Variants in SEPTIN11 observed in about 807,000 individuals in gnomAD.
SEPTIN11 encodes septin 11.
In SEPTIN11, 25 loss-of-function variants were observed where a neutral mutation model predicts 51.4. The ratio of observed to expected loss-of-function variants is 0.49; its 90% CI spans 0.35 to 0.68. The LOEUF (loss-of-function observed/expected upper bound fraction) is 0.68, where lower values mean the gene tolerates loss of function less well. Among genes scored for constraint, SEPTIN11 ranks in the 30% least tolerant of loss-of-function variants. SEPTIN11 has a pLI of 0.00. For synonymous variants in SEPTIN11, 174 were observed against 184.1 expected, an observed-to-expected ratio of 0.95 and a Z score of 0.44; for missense variants, 381 against 520.8, an observed-to-expected ratio of 0.73 and a Z score of 2.61.
At chr4:76,958,834 G>A in intron 1 of SEPTIN11, 1 of 1,417,620 alleles carries the variant, frequency 7.1e-7, no homozygotes, top group South Asian at 1.2e-5. Flanking sequence ...TCAATGGCTG[G>A]TTATATTTTC....
intron 1 of SEPTIN11, among the ~76,000 whole-genome samples, chr4:76,986,429 G>A (rs1723031475): frequency 6.6e-6 from 1 of 152,066 alleles, no homozygotes. Flanking sequence ...CTTATGGTTG[G>A]CTATTAAAGT....
At position 76,949,814 on chromosome 4, in the gene SEPTIN11, C is replaced by T; in HGVS notation, c.-90C>T. 2 of 1,394,792 alleles carry T rather than the reference C, an allele frequency of 1.4e-6. No homozygotes were observed. The highest frequency in any genetic ancestry group is 1.3e-5 in the South Asian group (1 of 78,464). The allele number at this position is 1,394,792 out of a possible 1,614,324, so 86.4% of individuals were successfully genotyped here. ...GCAGAGCGCAGCCGCGAGGGAGGCGCGAGGGAGGCGAGCCGGAGCCCGAGC... is the reference window on the plus strand; with the variant it reads ...GCAGAGCGCAGCCGCGAGGGAGGCGTGAGGGAGGCGAGCCGGAGCCCGAGC... On this transcript the variant is annotated 5_prime_UTR_variant, in exon 1 of 10. Transcript: ENST00000264893.
intron 6 of SEPTIN11, 97 bp downstream of exon 6, chr4:77,019,358 C>T: frequency 9.9e-7 from 1 of 1,014,778 alleles, no homozygotes; most frequent in Non-Finnish European, 1.4e-6. Context: ...AGGCCCTCAA[C>T]AGTGGGCTGG....
intron 1 of SEPTIN11, among the ~76,000 whole-genome samples, chr4:76,987,566 G>A (rs369993956): frequency 2.6e-5 from 4 of 152,156 alleles, no homozygotes; most frequent in Non-Finnish European, 4.4e-5. Flanking sequence ...AACTAAGGGC[G>A]TTTCCCATCT....
chr4:77,011,497 A>G (rs934666016), intron 3 of SEPTIN11, among the ~76,000 whole-genome samples: 2 of 130,862 alleles, frequency 1.5e-5, no homozygotes, highest in Non-Finnish European at 3.2e-5. Flanking sequence ...GCAAAGACAC[A>G]GAGGAAATAA....
intron 1 of SEPTIN11, among the ~76,000 whole-genome samples, chr4:76,991,399 C>T (rs1374592253): frequency 6.6e-6 from 1 of 152,202 alleles, no homozygotes; most frequent in Non-Finnish European, 1.5e-5. Context: ...TCTGGTGAAG[C>T]AAGATTTGGA....
Position 77,035,494 on chromosome 4 carries a change from T to G in SEPTIN11, c.*982T>G. ...TTCCCTTAGAAAATTTGCTATAAAC[T>G]CTGTATCATTGGTAGCACAAATTTG... is the stretch of plus-strand genomic sequence containing the variant. On this transcript the variant is annotated 3_prime_UTR_variant, in exon 10 of 10. Coordinates refer to ENST00000264893, the MANE Select transcript of SEPTIN11 (RefSeq NM_018243.4). The G allele has an allele frequency of 1.0e-6, 1 of 985,388 alleles. No individual in the cohort carries two copies. 61.0% of individuals were successfully genotyped at this position (985,388 alleles called of 1,614,324 possible). A position where few individuals can be genotyped will look rare whatever the true frequency, so the allele number is the denominator to read the frequency against.
chr4:77,034,031 A>T (rs753451243), intron 9 of SEPTIN11, among the ~76,000 whole-genome samples: 3 of 152,164 alleles, frequency 2.0e-5, no homozygotes, highest in Non-Finnish European at 2.9e-5. Flanking sequence ...TGTAATTTCA[A>T]TCCCTAAACT....
intron 1 of SEPTIN11, among the ~76,000 whole-genome samples, chr4:76,986,048 G>T (rs1723010327): frequency 6.6e-6 from 1 of 152,056 alleles, no homozygotes; most frequent in African/African-American, 2.4e-5. Context: ...ATACATCAGG[G>T]CACAGAGGAG....
chr4:76,975,717 C>T (rs1022303041), intron 1 of SEPTIN11, among the ~76,000 whole-genome samples: 1 of 152,102 alleles, frequency 6.6e-6, no homozygotes. Context: ...CTTATATACC[C>T]CTAAAAGGTT....
chr4:76,956,141 C>G (rs1043551746), intron 1 of SEPTIN11, among the ~76,000 whole-genome samples: 1 of 152,154 alleles, frequency 6.6e-6, no homozygotes, highest in Non-Finnish European at 1.5e-5. Flanking sequence ...CATTAAGGTA[C>G]TCATTAAACT....
intron 3 of SEPTIN11, among the ~76,000 whole-genome samples, chr4:77,008,706 G>A (rs1386950649): frequency 6.6e-6 from 1 of 151,870 alleles, no homozygotes; most frequent in Non-Finnish European, 1.5e-5. Context: ...TATGGCTGGA[G>A]GTATATGGAA....
At chr4:76,965,684 T>C (rs1324895650) in intron 1 of SEPTIN11, among the ~76,000 whole-genome samples, 1 of 152,168 alleles carries the variant, frequency 6.6e-6, no homozygotes, top group Non-Finnish European at 1.5e-5. Context: ...GCACCAATGA[T>C]ATTTAAAAGT....
chr4:77,009,722 G>A (rs1724728614), intron 3 of SEPTIN11: 1 of 152,254 alleles, frequency 6.6e-6, no homozygotes, highest in Non-Finnish European at 1.5e-5. Flanking sequence ...ACTATTGAGA[G>A]GAGGAGGTGC....
At chr4:76,992,299 A>G (rs1254199810) in intron 1 of SEPTIN11, among the ~76,000 whole-genome samples, 2 of 152,188 alleles carry the variant, frequency 1.3e-5, no homozygotes, top group Non-Finnish European at 2.9e-5. Context: ...ATGGTTTCAG[A>G]GTATTTTTTT....
At chr4:76,982,255 G>C (rs927222255) in intron 1 of SEPTIN11, among the ~76,000 whole-genome samples, 3 of 150,764 alleles carry the variant, frequency 2.0e-5, no homozygotes, top group Non-Finnish European at 4.4e-5. Flanking sequence ...CTGTTGCCCA[G>C]ACTGGAGTGC....
chr4:76,991,646 G>A (rs1723382541), intron 1 of SEPTIN11, among the ~76,000 whole-genome samples: 1 of 152,112 alleles, frequency 6.6e-6, no homozygotes, highest in African/African-American at 2.4e-5. Context: ...GGGAACTTTA[G>A]CTTTCCTAAA....
chr4:77,017,832 C>T (rs1282114658), intron 5 of SEPTIN11, among the ~76,000 whole-genome samples: 1 of 152,206 alleles, frequency 6.6e-6, no homozygotes, highest in Non-Finnish European at 1.5e-5. Flanking sequence ...ACTCAGAATG[C>T]AGTGATAACT....
intron 1 of SEPTIN11, among the ~76,000 whole-genome samples, chr4:76,968,319 A>G (rs1476546428): frequency 6.6e-6 from 1 of 152,174 alleles, no homozygotes; most frequent in Non-Finnish European, 1.5e-5. Context: ...GGCCTGGGGA[A>G]TTGAGGCTTA....
Sources: gnomAD v4.1 joint callset for allele counts (sites outside exome capture counted in the v4.1 genomes callset) on GRCh38, gnomAD v4.1.1 for gene constraint, MANE v1.5 for transcripts, NCBI Gene and HGNC (gene_info 2026-07-23, HGNC 2026-07-21) for gene names.